The following PAICS variants were observed in gnomAD, a reference collection of about 807,000 sequenced individuals.
PAICS encodes the protein bifunctional phosphoribosylaminoimidazole carboxylase/phosphoribosylaminoimidazole succinocarboxamide synthetase.
A neutral mutation model predicts 53.7 loss-of-function variants in PAICS; 33 were observed. The observed-to-expected ratio is 0.61, with a 90% CI of 0.47 to 0.82. The LOEUF is 0.82. PAICS is among the 40% of genes least tolerant of loss of function. The pLI is 0.00. For missense variants in PAICS, 394 were observed against 494.1 expected (o/e 0.80, Z 1.92); for synonymous variants, 141 against 167.2 (o/e 0.84, Z 1.21).
chr4:56,424,549 T>C, the PAICS span, among the ~76,000 whole-genome samples: 1 of 152,338 alleles, frequency 6.6e-6, no homozygotes, highest in South Asian at 2.1e-4. Flanking sequence ...AATCATAGAC[T>C]GCTCAGGCTA....
chr4:56,436,285 G>C lies in PAICS; in HGVS notation c.-28G>C. 1.3e-6 allele frequency: 2 copies of C among 1,596,402 alleles called. No individual in the cohort carries two copies. The highest frequency in any genetic ancestry group is 1.7e-6 in the Non-Finnish European group (2 of 1,172,132). On this transcript the variant is annotated 5_prime_UTR_variant, in exon 1 of 9. Coordinates refer to ENST00000512576, the MANE Select transcript of PAICS (RefSeq NM_001079524.2). ...AGAGTTCTGCCTCGCTTCCCGGCGC[G>C]GTCGCAGCCCTCAGCCCACTTAGGA...
chr4:56,430,260 C>A, the PAICS span, among the ~76,000 whole-genome samples: 1 of 152,124 alleles, frequency 6.6e-6, no homozygotes, highest in Non-Finnish European at 1.5e-5. Context: ...AAGTGGAAGG[C>A]AGGGTCATAG....
At chr4:56,416,048 C>T in the PAICS span, among the ~76,000 whole-genome samples, 8 of 139,098 alleles carry the variant, frequency 5.8e-5, no homozygotes, top group Non-Finnish European at 9.2e-5. Context: ...CCAGCCTGGG[C>T]GACAGAGTAA....
At position 56,452,833 on chromosome 4, in the gene PAICS, C is replaced by T. The variant is rs115012255; in HGVS notation, c.953-770C>T. Among the ~76,000 whole-genome samples the T allele has an allele frequency of 2.5e-3, 375 of 152,122 alleles. 2 individuals are homozygous for T. The highest frequency in any genetic ancestry group is 8.6e-3 in the African/African-American group (356 of 41,514). ...TAGCAGTGATCTAAAATAATGGAGC[C>T]CTGGGTTTACAACCAAATGTTTCTC... On this transcript the variant is annotated intron_variant, in intron 7 of 8. Transcript: ENST00000512576.
chr4:56,431,856 G>A (rs189843972), upstream of PAICS, among the ~76,000 whole-genome samples: 54 of 152,306 alleles, frequency 3.5e-4, no homozygotes, highest in Admixed American at 2.6e-4. Flanking sequence ...GATGTTTTCA[G>A]GACCAAAACA....
At chr4:56,410,668 A>C in the PAICS span, 2 of 986,510 alleles carry the variant, frequency 2.0e-6, no homozygotes, top group Non-Finnish European at 2.4e-6. Flanking sequence ...AATCATTAGG[A>C]GTATACAGAG....
At chr4:56,427,100 T>TGGATA in the PAICS span, among the ~76,000 whole-genome samples, 1 of 152,246 alleles carries the variant, frequency 6.6e-6, no homozygotes, top group East Asian at 1.9e-4. Flanking sequence ...TTCCATTGTA[T>TGGATA]GGATACACCA....
rs141334609 is a variant in PAICS, at chr4:56,447,410, T to C, written c.393+537T>C. ...ATAGATCAAGAATTTATAAAGATATTGTCATGTAAAGTTGGGACACTGCTG... is the reference window on the plus strand; with the variant it reads ...ATAGATCAAGAATTTATAAAGATATCGTCATGTAAAGTTGGGACACTGCTG... On this transcript the variant is annotated intron_variant, in intron 3 of 8. Coordinates refer to ENST00000512576, the MANE Select transcript of PAICS (RefSeq NM_001079524.2). 5.9e-5 allele frequency among the ~76,000 whole-genome samples: 9 copies of C among 152,280 alleles called. 1 individual carries two copies. Among genetic ancestry groups the C allele is most frequent in the African/African-American group, 2.2e-4 (9 of 41,562 alleles).
At chr4:56,419,790 C>T in the PAICS span, 3 of 984,896 alleles carry the variant, frequency 3.0e-6, no homozygotes, top group Non-Finnish European at 3.6e-6. Context: ...GATATTTCAA[C>T]AAATTGCAGC....
chr4:56,458,481 TCA>T (rs1386470836), intron 8 of PAICS, among the ~76,000 whole-genome samples: 1 of 152,198 alleles, frequency 6.6e-6, no homozygotes, highest in Non-Finnish European at 1.5e-5. Flanking sequence ...CATTGAAGTG[TCA>T]CATCAGGTAG....
chr4:56,435,344 G>A (rs1717849524), upstream of PAICS: 6 of 1,611,538 alleles, frequency 3.7e-6, no homozygotes, highest in East Asian at 1.3e-4. Context: ...CCACCCTGTT[G>A]CTCACCGGTG....
chr4:56,450,594 C>G (rs1286660492), intron 5 of PAICS, 25 bp from the exon 6 acceptor site: 2 of 1,272,986 alleles, frequency 1.6e-6, no homozygotes, highest in Admixed American at 4.0e-5. Context: ...TACTTGTTTT[C>G]TAAACTTTCT....
upstream of PAICS, chr4:56,436,119 C>G: frequency 6.8e-7 from 1 of 1,473,986 alleles, no homozygotes; most frequent in Non-Finnish European, 9.0e-7. Flanking sequence ...GGCGTTGTTT[C>G]GTCCGATATC....
rs906704927 is a variant in PAICS, at chr4:56,448,012, T to TC, written c.394-406_394-405insC. Among the ~76,000 whole-genome samples the TC allele has an allele frequency of 3.6e-4, 52 of 145,516 alleles. No individual in the cohort carries two copies. In the East Asian group the frequency reaches 8.9e-3, roughly 25 times the overall value. On this transcript the variant is annotated intron_variant, in intron 3 of 8. Coordinates refer to ENST00000512576, the MANE Select transcript of PAICS (RefSeq NM_001079524.2). Reference sequence around the variant, plus strand: ...CCTGGATCAAAATTTCTTTTCTTTTTTTTTTTTTTTTTTGAGATGGAGTCT... The same window carrying TC: ...CCTGGATCAAAATTTCTTTTCTTTTTCTTTTTTTTTTTTTGAGATGGAGTCT...
At chr4:56,444,648 C>G (rs7664841) in intron 2 of PAICS, among the ~76,000 whole-genome samples, 1 of 151,964 alleles carries the variant, frequency 6.6e-6, no homozygotes, top group Non-Finnish European at 1.5e-5. Context: ...TCACCATGCA[C>G]AGTCATGGAA....
intron 1 of PAICS, among the ~76,000 whole-genome samples, chr4:56,439,409 G>A (rs1718222935): frequency 6.6e-6 from 1 of 152,034 alleles, no homozygotes; most frequent in Admixed American, 6.6e-5. Flanking sequence ...GCTAATTTTT[G>A]TAATTTTAGT....
Position 56,436,337 on chromosome 4 carries a change from CAG to C in PAICS, c.16+10_16+11del, listed in dbSNP as rs1717955756. On this transcript the variant is annotated intron_variant, in intron 1 of 8. Coordinates refer to ENST00000512576, the MANE Select transcript of PAICS (RefSeq NM_001079524.2). ...AATGGCGACAGCTGAGGGTGAGTAACAGGGATCCGGGCCCTTCACGGTCTCCC... is the reference window on the plus strand; with the variant it reads ...AATGGCGACAGCTGAGGGTGAGTAACGGATCCGGGCCCTTCACGGTCTCCC... The C allele has an allele frequency of 1.3e-6, 2 of 1,587,338 alleles. No individual in the cohort carries two copies. The highest frequency in any genetic ancestry group is 2.7e-5 in the African/African-American group (2 of 74,230).
chr4:56,434,875 C>A (rs537047643), upstream of PAICS, among the ~76,000 whole-genome samples: 2 of 152,240 alleles, frequency 1.3e-5, no homozygotes, highest in Non-Finnish European at 2.9e-5. Context: ...ATAGCTCTGC[C>A]CTTGCAAACA....
chr4:56,458,893 C>T (rs938313027), intron 8 of PAICS, among the ~76,000 whole-genome samples: 9 of 152,058 alleles, frequency 5.9e-5, no homozygotes, highest in South Asian at 2.1e-4. Context: ...AATTATTCTA[C>T]GGATTTGACT....
Sources: gnomAD v4.1 joint callset for allele counts (sites outside exome capture counted in the v4.1 genomes callset) on GRCh38, gnomAD v4.1.1 for gene constraint, MANE v1.5 for transcripts, NCBI Gene and HGNC (gene_info 2026-07-23, HGNC 2026-07-21) for gene names.